TERB2: variants seen among roughly 807,000 people sequenced by gnomAD.
TERB2 encodes telomere repeats-binding bouquet formation protein 2.
In TERB2, 26 loss-of-function variants were observed where a neutral mutation model predicts 29.8. That is an observed-to-expected ratio of 0.87 (90% CI 0.64 to 1.21). TERB2 has a LOEUF of 1.21. Ranked by LOEUF, TERB2 falls within the 50% of genes most tolerant of loss-of-function variation. The pLI, the probability that TERB2 is intolerant of heterozygous loss-of-function variation, is 0.00. For synonymous variants in TERB2, 80 were observed against 90.8 expected, an observed-to-expected ratio of 0.88 and a Z score of 0.68; for missense variants, 240 against 268.6, an observed-to-expected ratio of 0.89 and a Z score of 0.74.
rs184879776 is a variant in TERB2 at position 44,961,542 on chromosome 15, T to C, written c.306T>C (p.Gly102=). ...CCACAGAAATAAGAAGAAAAATTGGTAGTTTTATTTGGGAACAAGACCAAC... is the reference window on the plus strand; with the variant it reads ...CCACAGAAATAAGAAGAAAAATTGGCAGTTTTATTTGGGAACAAGACCAAC... ...CLQKEIRRKI[G]SFIWEQDQHF... is the part of the protein sequence containing the mutation. The change falls in exon 4 of 7, where the codon GGT becomes GGC. Residue 102 remains glycine, a synonymous_variant. Transcript: ENST00000340827. 1.9e-6 allele frequency: 3 copies of C among 1,596,542 alleles called. No individual in the cohort carries two copies. The African/African-American group carries it at 4.1e-5, about 22-fold the overall frequency.
At position 44,966,148 on chromosome 15, in the gene TERB2, C is replaced by G. The variant is rs778147931; in HGVS notation, c.349-10C>G. ...ATTTTTTAAAATGTGATTTACTTTT[C>G]TATCCACAGCATGATGAAGTAACAC... On this transcript the variant is annotated splice_polypyrimidine_tract_variant and intron_variant, in intron 4 of 6. Transcript: ENST00000340827. 2 of 1,477,360 alleles carry G rather than the reference C, an allele frequency of 1.4e-6. No individual in the cohort carries two copies. Among genetic ancestry groups the G allele is most frequent in the Non-Finnish European group, 1.8e-6 (2 of 1,114,312 alleles). 91.5% of individuals were successfully genotyped at this position (1,477,360 alleles called of 1,614,324 possible). A position where few individuals can be genotyped will look rare whatever the true frequency, so the allele number is the denominator to read the frequency against.
chr15:44,978,447 C>T lies in TERB2; in HGVS notation c.524-42C>T, dbSNP rs764247577. 65 of 1,504,630 alleles carry T rather than the reference C, an allele frequency of 4.3e-5. 1 individual carries two copies. The highest frequency in any genetic ancestry group is 2.5e-4 in the Admixed American group (12 of 47,300). 93.2% of individuals were successfully genotyped at this position (1,504,630 alleles called of 1,614,324 possible). The stretch of plus-strand genomic sequence containing the variant: ...GACACTGAAAAGCAAATAGTATGAG[C>T]GGGTTTTAAGTATATATCTTTTTTT... On this transcript the variant is annotated intron_variant, in intron 6 of 6. Coordinates refer to ENST00000340827, the MANE Select transcript of TERB2 (RefSeq NM_152448.3).
intron 5 of TERB2, among the ~76,000 whole-genome samples, chr15:44,969,580 G>C (rs1891938409): frequency 6.6e-6 from 1 of 151,372 alleles, no homozygotes; most frequent in Non-Finnish European, 1.5e-5. Context: ...CTTGAGGCCA[G>C]GAGTTCAAGA....
intron 4 of TERB2, among the ~76,000 whole-genome samples, chr15:44,961,821 T>C (rs1257496432): frequency 6.6e-6 from 1 of 152,184 alleles, no homozygotes; most frequent in Admixed American, 6.5e-5. Context: ...TGCCTCAGCC[T>C]CCCAAGTAGC....
Position 44,978,787 on chromosome 15 carries a change from G to A in TERB2, c.*159G>A. On this transcript the variant is annotated 3_prime_UTR_variant, in exon 7 of 7. Transcript: ENST00000340827. ...CTTTAGGAAATACAGAATCATTTTG[G>A]TTCTGTGTTTTGACATTTTTCCCCT... 1.9e-6 allele frequency: 2 copies of A among 1,048,852 alleles called. No individual in the cohort carries two copies. Among genetic ancestry groups the A allele is most frequent in the Non-Finnish European group, 1.2e-6 (1 of 804,378 alleles). 65.0% of individuals were successfully genotyped at this position (1,048,852 alleles called of 1,614,324 possible). A position where few individuals can be genotyped will look rare whatever the true frequency, so the allele number is the denominator to read the frequency against.
chr15:44,968,572 A>C (rs1368425392), intron 5 of TERB2, among the ~76,000 whole-genome samples: 1 of 108,622 alleles, frequency 9.2e-6, no homozygotes, highest in Non-Finnish European at 2.0e-5. Context: ...ATGGCATTTC[A>C]TTTTGTTTAA....
chr15:44,975,205 A>G (rs914404987), intron 6 of TERB2, among the ~76,000 whole-genome samples: 2 of 152,196 alleles, frequency 1.3e-5, no homozygotes, highest in African/African-American at 4.8e-5. Flanking sequence ...AATTGAATAA[A>G]TTTCCTTTTT....
At chr15:44,977,031 A>G (rs1213127764) in intron 6 of TERB2, among the ~76,000 whole-genome samples, 1 of 151,630 alleles carries the variant, frequency 6.6e-6, no homozygotes, top group Admixed American at 6.6e-5. Flanking sequence ...ACTTGAGACC[A>G]AGGCTGCAGT....
At chr15:44,958,959 A>C (rs955295300) in intron 3 of TERB2, among the ~76,000 whole-genome samples, 4 of 152,216 alleles carry the variant, frequency 2.6e-5, no homozygotes, top group African/African-American at 9.6e-5. Flanking sequence ...CGGGCAGATC[A>C]CTTGAGCCCA....
chr15:44,971,097 G>C (rs1891960314), intron 5 of TERB2: 1 of 157,764 alleles, frequency 6.3e-6, no homozygotes, highest in African/African-American at 2.4e-5. Flanking sequence ...TCAATATGTT[G>C]AAACTGGAGT....
Position 44,978,722 on chromosome 15 carries a change from A to T in TERB2, c.*94A>T. On this transcript the variant is annotated 3_prime_UTR_variant, in exon 7 of 7. Transcript: ENST00000340827. ...ATGCTCCCTTTTGGTACTGGGGGAT[A>T]GTGAAATGGGAAATAATTTTTCTGT... The T allele has an allele frequency of 2.3e-6, 3 of 1,309,946 alleles. No individual in the cohort carries two copies. The highest frequency in any genetic ancestry group is 3.0e-6 in the Non-Finnish European group (3 of 1,010,260). The allele number at this position is 1,309,946 out of a possible 1,614,324, so 81.1% of individuals were successfully genotyped here.
At chr15:44,958,690 C>A (rs527478774) in intron 3 of TERB2, among the ~76,000 whole-genome samples, 178 bp downstream of exon 3, 1 of 152,270 alleles carries the variant, frequency 6.6e-6, no homozygotes, top group South Asian at 2.1e-4. Context: ...GGGTGTATAT[C>A]CTGACTTTGT....
At chr15:44,959,678 TTAAC>T (rs1393259414) in intron 3 of TERB2, among the ~76,000 whole-genome samples, 1 of 152,176 alleles carries the variant, frequency 6.6e-6, no homozygotes, top group Non-Finnish European at 1.5e-5. Context: ...TGGGCTAACT[TTAAC>T]TAGCCCATGG....
At chr15:44,965,772 A>T (rs1195425767) in intron 4 of TERB2, among the ~76,000 whole-genome samples, 1 of 151,504 alleles carries the variant, frequency 6.6e-6, no homozygotes, top group African/African-American at 2.4e-5. Flanking sequence ...AAGGATTTTA[A>T]GGAAGTTTAA....
chr15:44,975,317 C>CT (rs1892028995), intron 6 of TERB2, among the ~76,000 whole-genome samples: 2 of 151,838 alleles, frequency 1.3e-5, no homozygotes, highest in Non-Finnish European at 1.5e-5. Flanking sequence ...AAATACTTCT[C>CT]TTTTTTTATC....
At chr15:44,961,492 A>C in intron 3 of TERB2, 31 bp from the exon 4 acceptor site, 1 of 1,521,940 alleles carries the variant, frequency 6.6e-7, no homozygotes, top group Non-Finnish European at 8.9e-7. Flanking sequence ...AAAAAACCAA[A>C]ACAGTATTGG....
Position 44,956,711 on chromosome 15 carries a change from G to A in TERB2, c.-8G>A. 1 of 1,601,374 alleles carries A rather than the reference G, an allele frequency of 6.2e-7. No homozygotes were observed. On this transcript the variant is annotated 5_prime_UTR_variant, in exon 1 of 7. Coordinates refer to ENST00000340827, the MANE Select transcript of TERB2 (RefSeq NM_152448.3). Reference sequence around the variant, plus strand: ...CCTCTCTCACATCTCCACAGGCTTGGCGACGCCATGTTTCAAGGGCAGCGC... The same window carrying A: ...CCTCTCTCACATCTCCACAGGCTTGACGACGCCATGTTTCAAGGGCAGCGC...
chr15:44,963,801 A>C (rs979763519), intron 4 of TERB2, among the ~76,000 whole-genome samples: 9 of 128,236 alleles, frequency 7.0e-5, no homozygotes, highest in African/African-American at 2.7e-4. Flanking sequence ...TTATTATACT[A>C]TTCTTTTTTT....
rs1325286029 is a variant in TERB2, at chr15:44,958,263, T to C, written c.147-110T>C. ...GCCAGAAAAGGACAGCATACATGTA[T>C]GCTTCAATGTAATCGTCTCCCTACT... On this transcript the variant is annotated intron_variant, in intron 2 of 6. Coordinates refer to ENST00000340827, the MANE Select transcript of TERB2 (RefSeq NM_152448.3). 3.8e-6 allele frequency: 5 copies of C among 1,303,384 alleles called. No individual in the cohort carries two copies. The African/African-American group carries it at 7.4e-5, about 19-fold the overall frequency. The allele number at this position is 1,303,384 out of a possible 1,614,324, so 80.7% of individuals were successfully genotyped here.
Sources: gnomAD v4.1 joint callset for allele counts (sites outside exome capture counted in the v4.1 genomes callset) on GRCh38, gnomAD v4.1.1 for gene constraint, MANE v1.5 for transcripts, NCBI Gene and HGNC (gene_info 2026-07-23, HGNC 2026-07-21) for gene names.